The following ARHGAP42 variants were observed in gnomAD, a reference collection of about 807,000 sequenced individuals.
ARHGAP42 encodes the protein rho GTPase-activating protein 42.
In ARHGAP42, 63 loss-of-function variants were observed where a neutral mutation model predicts 125.0. The observed-to-expected ratio is 0.50, with a 90% CI of 0.41 to 0.62. The LOEUF (loss-of-function observed/expected upper bound fraction) is 0.62, where lower values mean the gene tolerates loss of function less well. Ranked by LOEUF, ARHGAP42 falls within the 20% of genes least tolerant of loss-of-function variation. ARHGAP42 has a pLI of 0.00. For synonymous variants in ARHGAP42, 339 were observed against 351.0 expected (o/e 0.97, Z 0.38); for missense variants, 766 against 1,024.2 (o/e 0.75, Z 3.44).
intron 1 of ARHGAP42, among the ~76,000 whole-genome samples, chr11:100,697,995 CAA>C (rs1455010421): frequency 6.6e-6 from 1 of 152,128 alleles, no homozygotes; most frequent in Non-Finnish European, 1.5e-5. Flanking sequence ...ACTAGAGAAT[CAA>C]AAGACTCTGA....
chr11:100,959,749 C>G (rs970016472), intron 12 of ARHGAP42, 134 bp from the exon 13 acceptor site: 65 of 780,286 alleles, frequency 8.3e-5, no homozygotes, highest in Non-Finnish European at 1.3e-4. Context: ...AAGTCAGCCT[C>G]TAACCAAAAT....
rs553642462 is a variant in ARHGAP42 at position 100,924,956 on chromosome 11, C to T, written c.597+3352C>T. On this transcript the variant is annotated intron_variant, in intron 6 of 23. Coordinates refer to ENST00000298815, the MANE Select transcript of ARHGAP42 (RefSeq NM_152432.4). ...GATTCTCCTGCCTCAGCCTCCTGAGCGAGTAGCTGAAATTACAGGTGTGCA... is the reference window on the plus strand; with the variant it reads ...GATTCTCCTGCCTCAGCCTCCTGAGTGAGTAGCTGAAATTACAGGTGTGCA... Among the ~76,000 whole-genome samples the T allele has an allele frequency of 5.3e-5, 8 of 151,938 alleles. No individual in the cohort carries two copies. In the East Asian group the frequency reaches 1.4e-3, roughly 26 times the overall value.
intron 3 of ARHGAP42, among the ~76,000 whole-genome samples, chr11:100,857,702 C>G (rs904529654): frequency 1.3e-5 from 2 of 152,078 alleles, no homozygotes; most frequent in Non-Finnish European, 2.9e-5. Flanking sequence ...TGGCTGAGGC[C>G]AAAACCTTAG....
chr11:100,726,093 A>G (rs1473973853), intron 1 of ARHGAP42, among the ~76,000 whole-genome samples: 3 of 151,798 alleles, frequency 2.0e-5, no homozygotes, highest in African/African-American at 4.8e-5. Flanking sequence ...AAAAAAAAAA[A>G]AAAAAGTTAC....
intron 1 of ARHGAP42, among the ~76,000 whole-genome samples, chr11:100,715,825 G>A (rs992082310): frequency 6.6e-6 from 1 of 152,194 alleles, no homozygotes; most frequent in Non-Finnish European, 1.5e-5. Context: ...GAGTGAGGAA[G>A]CAATGATTTA....
intron 2 of ARHGAP42, among the ~76,000 whole-genome samples, chr11:100,774,745 A>C (rs950352679): frequency 3.3e-5 from 5 of 152,236 alleles, no homozygotes; most frequent in African/African-American, 1.2e-4. Context: ...CTATCAGTAT[A>C]ATTGCCTAAT....
chr11:100,928,914 G>A (rs1241053769), intron 6 of ARHGAP42, among the ~76,000 whole-genome samples: 2 of 152,120 alleles, frequency 1.3e-5, no homozygotes, highest in Non-Finnish European at 2.9e-5. Flanking sequence ...TGCGGTTTTC[G>A]AGGTTCATCC....
At chr11:100,908,815 A>C (rs1866826092) in intron 4 of ARHGAP42, among the ~76,000 whole-genome samples, 1 of 152,118 alleles carries the variant, frequency 6.6e-6, no homozygotes, top group Admixed American at 6.6e-5. Flanking sequence ...TCTTTGCAAA[A>C]CCTTCATACT....
intron 3 of ARHGAP42, chr11:100,840,516 T>C (rs914883997): frequency 1.3e-5 from 2 of 152,192 alleles, no homozygotes; most frequent in Non-Finnish European, 2.9e-5. Flanking sequence ...TAGTATTTAA[T>C]GTTAATTTCC....
At chr11:100,805,587 C>T (rs927359923) in intron 3 of ARHGAP42, among the ~76,000 whole-genome samples, 3 of 152,152 alleles carry the variant, frequency 2.0e-5, no homozygotes, top group East Asian at 3.9e-4. Context: ...ATGGCTACTT[C>T]ATAGGCAGAG....
At chr11:100,780,212 G>A (rs559866141) in intron 2 of ARHGAP42, among the ~76,000 whole-genome samples, 1 of 152,122 alleles carries the variant, frequency 6.6e-6, no homozygotes, top group South Asian at 2.1e-4. Flanking sequence ...ACAAACTAAA[G>A]GATAAGGTGG....
At chr11:100,761,780 C>T (rs1325332915) in intron 1 of ARHGAP42, among the ~76,000 whole-genome samples, 1 of 152,136 alleles carries the variant, frequency 6.6e-6, no homozygotes, top group African/African-American at 2.4e-5. Context: ...CTGTATTTGC[C>T]ATCATAATAA....
At position 100,974,568 on chromosome 11, in the gene ARHGAP42, G is replaced by A. The variant is rs1268579032; in HGVS notation, c.1820G>A (p.Arg607Lys). 4.5e-6 allele frequency: 7 copies of A among 1,551,134 alleles called. No individual in the cohort carries two copies. Among genetic ancestry groups the A allele is most frequent in the Non-Finnish European group, 6.1e-6 (7 of 1,146,620 alleles). Residue 607 changes from arginine (R) to lysine (K), a missense_variant, in exon 19 of 24, where the codon AGA becomes AAA. Coordinates refer to ENST00000298815, the MANE Select transcript of ARHGAP42 (RefSeq NM_152432.4). ...CTCTCTACAGGGTCTAGGAAGCCCAGAGGGAGGTATACTCCATGCCTGGCC... is the reference window on the plus strand; with the variant it reads ...CTCTCTACAGGGTCTAGGAAGCCCAAAGGGAGGTATACTCCATGCCTGGCC... ...ICLSTGSRKPRGRYTPCLAEP... is the reference protein window; with the variant it reads ...ICLSTGSRKPKGRYTPCLAEP...
intron 2 of ARHGAP42, among the ~76,000 whole-genome samples, chr11:100,772,508 C>A (rs1265701921): frequency 6.6e-6 from 1 of 152,116 alleles, no homozygotes; most frequent in Non-Finnish European, 1.5e-5. Flanking sequence ...AAAGATGGTC[C>A]AGCCATGCCT....
intron 5 of ARHGAP42, among the ~76,000 whole-genome samples, chr11:100,920,287 T>TCTTGA (rs1298575023): frequency 2.0e-5 from 3 of 152,178 alleles, no homozygotes; most frequent in Non-Finnish European, 2.9e-5. Context: ...TATAGATAAT[T>TCTTGA]ACAGCTGATT....
chr11:100,961,601 C>T (rs1416973964), intron 14 of ARHGAP42, 83 bp from the exon 15 acceptor site: 1 of 1,191,554 alleles, frequency 8.4e-7, no homozygotes, highest in African/African-American at 1.5e-5. Flanking sequence ...TTTTGACCTA[C>T]TTACGTTTGT....
intron 1 of ARHGAP42, among the ~76,000 whole-genome samples, chr11:100,753,208 G>A (rs1039261513): frequency 6.6e-6 from 1 of 152,150 alleles, no homozygotes; most frequent in African/African-American, 2.4e-5. Context: ...TTCCAGGAAG[G>A]AGTGTAGCTT....
intron 1 of ARHGAP42, among the ~76,000 whole-genome samples, chr11:100,753,664 T>C (rs1463841189): frequency 6.6e-6 from 1 of 152,240 alleles, no homozygotes; most frequent in Non-Finnish European, 1.5e-5. Context: ...TCCCTCCGCC[T>C]GTGCTGGAGA....
In ARHGAP42 at chr11:100,988,673, T is replaced by C. The variant is rs897593767; in HGVS notation, c.2537-40T>C. ...ATCTGTTTATATAATTATTTGACACTAATGTTGACTGAGTGCTATTTATTT... is the reference window on the plus strand; with the variant it reads ...ATCTGTTTATATAATTATTTGACACCAATGTTGACTGAGTGCTATTTATTT... On this transcript the variant is annotated intron_variant, in intron 23 of 23. Coordinates refer to ENST00000298815, the MANE Select transcript of ARHGAP42 (RefSeq NM_152432.4). 2.7e-6 allele frequency: 4 copies of C among 1,467,980 alleles called. No individual in the cohort carries two copies. In the Admixed American group the frequency reaches 7.9e-5, roughly 29 times the overall value. The allele number at this position is 1,467,980 out of a possible 1,614,324, so 90.9% of individuals were successfully genotyped here. A position where few individuals can be genotyped will look rare whatever the true frequency, so the allele number is the denominator to read the frequency against.
Sources: allele counts gnomAD v4.1 joint callset (sites outside exome capture counted in the v4.1 genomes callset), GRCh38; gene constraint gnomAD v4.1.1; transcripts MANE v1.5; gene names NCBI Gene and HGNC (gene_info 2026-07-23, HGNC 2026-07-21).